Variants in FAM162A observed in about 807,000 individuals in gnomAD.
FAM162A encodes the protein protein FAM162A.
FAM162A carries 23 observed loss-of-function variants against 21.8 expected under a neutral mutation model. That is an observed-to-expected ratio of 1.05 (90% confidence interval 0.76 to 1.49). The LOEUF (loss-of-function observed/expected upper bound fraction) is 1.49. Among genes scored for constraint, FAM162A ranks in the 40% most tolerant of loss-of-function variants. The pLI is 0.00. For synonymous variants in FAM162A, 53 were observed against 61.3 expected (o/e 0.86, Z 0.64); for missense variants, 165 against 186.4 (o/e 0.89, Z 0.67).
chr3:122,399,832 G>A (rs540600254), intron 1 of FAM162A, among the ~76,000 whole-genome samples: 1 of 152,212 alleles, frequency 6.6e-6, no homozygotes, highest in South Asian at 2.1e-4. Context: ...GGCCAGGCAC[G>A]GTGGCTCATG....
intron 1 of FAM162A, among the ~76,000 whole-genome samples, chr3:122,392,208 A>T (rs2075607074): frequency 6.6e-6 from 1 of 152,182 alleles, no homozygotes. Context: ...ATGGGAAAGG[A>T]CAGCTGTCTT....
At chr3:122,409,310 T>C (rs1447432326) in intron 4 of FAM162A, among the ~76,000 whole-genome samples, 2 of 151,832 alleles carry the variant, frequency 1.3e-5, no homozygotes, top group African/African-American at 4.8e-5. Flanking sequence ...AAAAGAGAAG[T>C]GAGGAACTAG....
At chr3:122,386,584 C>T (rs1199942969) in intron 1 of FAM162A, among the ~76,000 whole-genome samples, 1 of 149,826 alleles carries the variant, frequency 6.7e-6, no homozygotes, top group African/African-American at 2.5e-5. Flanking sequence ...AGAAAAGAAG[C>T]ATAATCTAGG....
chr3:122,406,856 C>T (rs1017797189), intron 3 of FAM162A, among the ~76,000 whole-genome samples: 9 of 152,148 alleles, frequency 5.9e-5, no homozygotes, highest in Non-Finnish European at 1.3e-4. Flanking sequence ...TGTTTTCAGA[C>T]GATGACTACA....
chr3:122,389,620 A>G (rs1377957991), intron 1 of FAM162A, among the ~76,000 whole-genome samples: 1 of 152,236 alleles, frequency 6.6e-6, no homozygotes, highest in Non-Finnish European at 1.5e-5. Context: ...CTACATTCAG[A>G]TTATAGCTGT....
In FAM162A at chr3:122,410,304, TATA is replaced by T. The variant is rs1315363036; in HGVS notation, c.*476_*478del. 6 of 187,906 alleles carry T rather than the reference TATA, an allele frequency of 3.2e-5. No homozygotes were observed. The highest frequency in any genetic ancestry group is 6.7e-5 in the Non-Finnish European group (6 of 89,212). 11.6% of individuals were successfully genotyped at this position (187,906 alleles called of 1,614,324 possible). ...GCTGAGAAGCAGCCAGACCACATTC[TATA>T]ATCTTTGAACATGCTGGCAGATGGA... On this transcript the variant is annotated 3_prime_UTR_variant, in exon 5 of 5. Transcript: ENST00000477892.
chr3:122,407,425 T>C (rs755732840), intron 4 of FAM162A, 36 bp downstream of exon 4: 1 of 1,506,480 alleles, frequency 6.6e-7, no homozygotes, highest in Non-Finnish European at 9.2e-7. Flanking sequence ...AGTATGTATG[T>C]TCTCCACCAA....
At chr3:122,401,638 TAAAAA>T in intron 1 of FAM162A, 1 of 608,956 alleles carries the variant, frequency 1.6e-6, no homozygotes, top group Non-Finnish European at 2.2e-6. Flanking sequence ...AGTATATATC[TAAAAA>T]AAAAAAATAG....
chr3:122,391,124 A>G (rs190122551), intron 1 of FAM162A, among the ~76,000 whole-genome samples: 35 of 152,354 alleles, frequency 2.3e-4, no homozygotes, highest in African/African-American at 8.2e-4. Context: ...TATAATTGCA[A>G]AATAAAAACC....
chr3:122,397,765 A>T (rs528145145), intron 1 of FAM162A, among the ~76,000 whole-genome samples: 18 of 152,312 alleles, frequency 1.2e-4, no homozygotes, highest in African/African-American at 4.1e-4. Context: ...TGCTAATCAA[A>T]ACTAATGTCT....
chr3:122,406,205 G>A (rs6768280), intron 3 of FAM162A, among the ~76,000 whole-genome samples: 58,043 of 152,022 alleles, frequency 0.38, 11,454 homozygotes, highest in East Asian at 0.57. Flanking sequence ...AAGGCCATAA[G>A]TTAATCCTGG....
At chr3:122,398,801 A>G (rs923241070) in intron 1 of FAM162A, among the ~76,000 whole-genome samples, 1 of 152,208 alleles carries the variant, frequency 6.6e-6, no homozygotes. Context: ...TTTAAAAATT[A>G]TATTAGTATT....
chr3:122,407,667 A>G, intron 4 of FAM162A: 1 of 467,650 alleles, frequency 2.1e-6, no homozygotes, highest in Non-Finnish European at 3.8e-6. Context: ...AGGTGTCATA[A>G]TGTAAATTAA....
chr3:122,406,703 C>T (rs1396998661), intron 3 of FAM162A, among the ~76,000 whole-genome samples: 2 of 152,214 alleles, frequency 1.3e-5, no homozygotes, highest in African/African-American at 4.8e-5. Flanking sequence ...TTTAGATATT[C>T]TCAAATCTAT....
chr3:122,393,121 TTC>T (rs1237969113), intron 1 of FAM162A, among the ~76,000 whole-genome samples: 1 of 152,212 alleles, frequency 6.6e-6, no homozygotes, highest in Non-Finnish European at 1.5e-5. Flanking sequence ...AGGCAAAGCT[TTC>T]TGGCATTTAT....
At chr3:122,404,424 A>G (rs2075668109) in intron 3 of FAM162A, 61 bp downstream of exon 3, 1 of 860,748 alleles carries the variant, frequency 1.2e-6, no homozygotes, top group Non-Finnish European at 1.8e-6. Flanking sequence ...AGGGAAAAGC[A>G]ATGCCTCTGA....
intron 1 of FAM162A, among the ~76,000 whole-genome samples, chr3:122,393,583 A>G (rs1408216762): frequency 6.6e-6 from 1 of 152,212 alleles, no homozygotes; most frequent in African/African-American, 2.4e-5. Context: ...CTTGTCTGAC[A>G]GTTCGCTGGA....
At chr3:122,400,100 A>C (rs1186350948) in intron 1 of FAM162A, among the ~76,000 whole-genome samples, 18 of 152,158 alleles carry the variant, frequency 1.2e-4, no homozygotes, top group African/African-American at 2.2e-4. Context: ...GCAAAACTAA[A>C]TAGCAAAGGC....
chr3:122,404,428 C>A, intron 3 of FAM162A, 65 bp downstream of exon 3: 2 of 778,828 alleles, frequency 2.6e-6, no homozygotes, highest in Non-Finnish European at 2.1e-6. Flanking sequence ...AAAAGCAATG[C>A]CTCTGAGTTC....
Sources: allele counts gnomAD v4.1 joint callset (sites outside exome capture counted in the v4.1 genomes callset), GRCh38; gene constraint gnomAD v4.1.1; transcripts MANE v1.5; gene names NCBI Gene and HGNC (gene_info 2026-07-23, HGNC 2026-07-21).